The following REV3L variants were observed in gnomAD, a reference collection of about 807,000 sequenced individuals.
The protein encoded by REV3L is REV3 like, DNA directed polymerase zeta catalytic subunit.
REV3L carries 69 observed loss-of-function variants against 299.4 expected under a neutral mutation model. The observed-to-expected ratio is 0.23, with a 90% CI of 0.19 to 0.28. The LOEUF (loss-of-function observed/expected upper bound fraction) is 0.28. Ranked by LOEUF, REV3L falls within the 10% of genes least tolerant of loss-of-function variation. REV3L has a pLI of 1.00. For synonymous variants in REV3L, 1,238 were observed against 1,271.4 expected (o/e 0.97, Z 0.56); for missense variants, 3,128 against 3,693.8 (o/e 0.85, Z 3.97).
Position 111,343,909 on chromosome 6 carries a change from A to G in REV3L, c.7538+16T>C, listed in dbSNP as rs926684506. The G allele has an allele frequency of 7.1e-7, 1 of 1,413,810 alleles. No homozygotes were observed. The highest frequency in any genetic ancestry group is 9.8e-7 in the Non-Finnish European group (1 of 1,024,332). 87.6% of individuals were successfully genotyped at this position (1,413,810 alleles called of 1,614,324 possible). ...GATGATTTTATATTACCTTCTTCAG[A>G]GTTATAGAACAGTACCTGTATAGAT... On this transcript the variant is annotated intron_variant, in intron 21 of 31. Transcript: ENST00000368802.
At chr6:111,440,642 G>C (rs913794739) in intron 1 of REV3L, among the ~76,000 whole-genome samples, 1 of 152,082 alleles carries the variant, frequency 6.6e-6, no homozygotes, top group African/African-American at 2.4e-5. Context: ...TTAAGAACAA[G>C]AAAATAAAAG....
chr6:111,424,676 A>AC (rs1785958409), intron 1 of REV3L, among the ~76,000 whole-genome samples: 1 of 152,202 alleles, frequency 6.6e-6, no homozygotes, highest in Admixed American at 6.5e-5. Flanking sequence ...CCAAAGCCCT[A>AC]CCCTCAGAAA....
chr6:111,449,337 G>C (rs1789233199), intron 1 of REV3L, among the ~76,000 whole-genome samples: 1 of 152,160 alleles, frequency 6.6e-6, no homozygotes, highest in South Asian at 2.1e-4. Context: ...CTGAGTTGAG[G>C]AAACAAAGTT....
chr6:111,411,947 A>C, intron 2 of REV3L: 1 of 983,006 alleles, frequency 1.0e-6, no homozygotes, highest in Non-Finnish European at 1.2e-6. Context: ...TTTACTCCAC[A>C]TATGAGAGAA....
chr6:111,363,340 C>G (rs527345498), intron 16 of REV3L, among the ~76,000 whole-genome samples: 1 of 152,204 alleles, frequency 6.6e-6, no homozygotes, highest in East Asian at 1.9e-4. Flanking sequence ...CTTGCTCTGT[C>G]TGTAGCCCAG....
rs1554256765 is a variant in REV3L at position 111,482,927 on chromosome 6, C to CCGGCAG, written c.-45_-40dup. 12 of 1,488,480 alleles carry CCGGCAG rather than the reference C, an allele frequency of 8.1e-6. No individual in the cohort carries two copies. Among genetic ancestry groups the CCGGCAG allele is most frequent in the East Asian group, 5.5e-5 (2 of 36,298 alleles). The allele number at this position is 1,488,480 out of a possible 1,614,324, so 92.2% of individuals were successfully genotyped here. Reference sequence around the variant, plus strand: ...GCCACTGCCTCCCTTCACTGGCGACCCGGCAGCGGCAGCAGCAGCGGCGGC... The same window carrying CCGGCAG: ...GCCACTGCCTCCCTTCACTGGCGACCCGGCAGCGGCAGCGGCAGCAGCAGCGGCGGC... On this transcript the variant is annotated 5_prime_UTR_variant, in exon 1 of 32. Transcript: ENST00000368802.
intron 18 of REV3L, among the ~76,000 whole-genome samples, chr6:111,355,165 T>C (rs1305327002): frequency 6.6e-6 from 1 of 152,130 alleles, no homozygotes; most frequent in Non-Finnish European, 1.5e-5. Flanking sequence ...TTACTTTTCG[T>C]GTTTGTCACT....
chr6:111,405,458 A>T lies in REV3L; in HGVS notation c.565+12T>A. 4.4e-6 allele frequency: 7 copies of T among 1,585,096 alleles called. No homozygotes were observed. The highest frequency in any genetic ancestry group is 6.0e-6 in the Non-Finnish European group (7 of 1,167,924). ...TTGACAAAAATTTAATTTGACTGAA[A>T]ATTAACCTTACTTTTCCTTCTTGCT... On this transcript the variant is annotated intron_variant, in intron 4 of 31. Transcript: ENST00000368802.
At chr6:111,307,813 ATAATT>A in intron 30 of REV3L, 1 of 466,798 alleles carries the variant, frequency 2.1e-6, no homozygotes. Context: ...TTTTATTATT[ATAATT>A]TAAGTTCTAG....
chr6:111,483,121 G>C lies in REV3L; in HGVS notation c.-233C>G, dbSNP rs1209617377. On this transcript the variant is annotated 5_prime_UTR_variant, in exon 1 of 32. Coordinates refer to ENST00000368802, the MANE Select transcript of REV3L (RefSeq NM_001372078.1). ...GCAGGAGAGAAGCCCTCGAGCTTTC[G>C]TCGGTGCTGGTGCTGCCGCCACTGC... 2.0e-6 allele frequency: 1 copy of C among 504,558 alleles called. No individual in the cohort carries two copies. Among genetic ancestry groups the C allele is most frequent in the Non-Finnish European group, 3.4e-6 (1 of 295,606 alleles). 31.3% of individuals were successfully genotyped at this position (504,558 alleles called of 1,614,324 possible).
intron 9 of REV3L, among the ~76,000 whole-genome samples, chr6:111,386,529 A>G (rs1781361216): frequency 1.3e-5 from 2 of 152,148 alleles, no homozygotes; most frequent in African/African-American, 4.8e-5. Flanking sequence ...CACTTTAAAA[A>G]CAGCTTGGGA....
Position 111,416,264 on chromosome 6 carries a change from T to C in REV3L, c.329+19A>G. On this transcript the variant is annotated intron_variant, in intron 2 of 31. Coordinates refer to ENST00000368802, the MANE Select transcript of REV3L (RefSeq NM_001372078.1). ...AGCAACATAAACAGAAATTATAAAA[T>C]ATATTATCATATACTTACATTCCTG... The C allele has an allele frequency of 6.7e-7, 1 of 1,502,810 alleles. No individual in the cohort carries two copies. Among genetic ancestry groups the C allele is most frequent in the African/African-American group, 1.4e-5 (1 of 70,896 alleles). 93.1% of individuals were successfully genotyped at this position (1,502,810 alleles called of 1,614,324 possible).
chr6:111,349,386 C>T (rs778819448), intron 19 of REV3L, 50 bp from the exon 20 acceptor site: 3 of 827,604 alleles, frequency 3.6e-6, no homozygotes, highest in African/African-American at 3.4e-5. Flanking sequence ...AACAAACTTT[C>T]AATAAAATTA....
intron 5 of REV3L, among the ~76,000 whole-genome samples, chr6:111,391,781 AG>A (rs1781958561): frequency 6.6e-6 from 1 of 152,196 alleles, no homozygotes; most frequent in Admixed American, 6.5e-5. Flanking sequence ...CTGTAGTCCC[AG>A]ATACTTGGGA....
intron 21 of REV3L, among the ~76,000 whole-genome samples, chr6:111,340,254 A>C (rs796095212): frequency 1.6e-3 from 247 of 152,324 alleles, no homozygotes; most frequent in African/African-American, 5.5e-3. Context: ...CTCCTAGCTC[A>C]GAAACTGGAA....
At position 111,482,823 on chromosome 6, in the gene REV3L, G is replaced by A; in HGVS notation, c.66C>T (p.Thr22=). 1 of 1,506,630 alleles carries A rather than the reference G, an allele frequency of 6.6e-7. No individual in the cohort carries two copies. The highest frequency in any genetic ancestry group is 1.3e-5 in the South Asian group (1 of 76,118). 93.3% of individuals were successfully genotyped at this position (1,506,630 alleles called of 1,614,324 possible). ...YMASPLQGLD[T]CQSPLTQAPV... Reference sequence around the variant, plus strand: ...GGGCCTGGGTGAGGGGGGATTGGCAGGTATCCAGCCCCTGCAGCGGGCTGG... The same window carrying A: ...GGGCCTGGGTGAGGGGGGATTGGCAAGTATCCAGCCCCTGCAGCGGGCTGG... The change falls in exon 1 of 32, where the codon ACC becomes ACT. Residue 22 remains threonine (T), a synonymous_variant. Coordinates refer to ENST00000368802, the MANE Select transcript of REV3L (RefSeq NM_001372078.1).
intron 1 of REV3L, among the ~76,000 whole-genome samples, chr6:111,457,982 A>G (rs1790340445): frequency 6.6e-6 from 1 of 152,006 alleles, no homozygotes; most frequent in Non-Finnish European, 1.5e-5. Flanking sequence ...AACAAAGGAC[A>G]TTATATGCAA....
chr6:111,469,819 T>C lies in REV3L; in HGVS notation c.139+12931A>G, dbSNP rs145777681. On this transcript the variant is annotated intron_variant, in intron 1 of 31. Coordinates refer to ENST00000368802, the MANE Select transcript of REV3L (RefSeq NM_001372078.1). The stretch of plus-strand genomic sequence containing the variant: ...CATAAGCTGCAGCAGAATTGCTTAA[T>C]TGAGCCCAGCCCAGAATTAGGCTAA... 3.9e-5 allele frequency among the ~76,000 whole-genome samples: 6 copies of C among 152,300 alleles called. No individual in the cohort carries two copies. In the East Asian group the frequency reaches 5.8e-4, roughly 15 times the overall value.
chr6:111,349,122 G>A, intron 20 of REV3L, 96 bp downstream of exon 20: 1 of 655,542 alleles, frequency 1.5e-6, no homozygotes, highest in South Asian at 2.2e-5. Flanking sequence ...AAACGCATAA[G>A]CTATATAGTA....
Sources: gnomAD v4.1 joint callset for allele counts (sites outside exome capture counted in the v4.1 genomes callset) on GRCh38, gnomAD v4.1.1 for gene constraint, MANE v1.5 for transcripts, NCBI Gene and HGNC (gene_info 2026-07-23, HGNC 2026-07-21) for gene names.